The following DENND2C variants were observed in gnomAD, a reference collection of about 807,000 sequenced individuals.
DENND2C encodes the protein DENN domain-containing protein 2C.
DENND2C carries 72 observed loss-of-function variants against 112.4 expected under a neutral mutation model. That is an observed-to-expected ratio of 0.64 (90% CI 0.53 to 0.78). DENND2C has a LOEUF of 0.78. Ranked by LOEUF, DENND2C falls within the 30% of genes least tolerant of loss-of-function variation. The pLI, the probability that DENND2C is intolerant of heterozygous loss-of-function variation, is 0.00. For missense variants in DENND2C, 992 were observed against 1,113.8 expected, an observed-to-expected ratio of 0.89 and a Z score of 1.56; for synonymous variants, 329 against 381.6, an observed-to-expected ratio of 0.86 and a Z score of 1.61.
chr1:114,627,313 C>A (rs574596901), intron 3 of DENND2C, among the ~76,000 whole-genome samples: 2 of 152,308 alleles, frequency 1.3e-5, no homozygotes, highest in East Asian at 3.9e-4. Context: ...TTAAAAATAG[C>A]AGTTGATTCA....
At chr1:114,659,388 G>A (rs896093605) in intron 1 of DENND2C, among the ~76,000 whole-genome samples, 3 of 152,078 alleles carry the variant, frequency 2.0e-5, no homozygotes, top group African/African-American at 7.2e-5. Flanking sequence ...TGTAGTCCCA[G>A]CTACTTTGGA....
At chr1:114,661,846 C>T (rs6537842) in intron 1 of DENND2C, among the ~76,000 whole-genome samples, 133,154 of 152,198 alleles carry the variant, frequency 0.87, 58,740 homozygotes, top group African/African-American at 0.96. Context: ...CAATTATCAC[C>T]AGACTCTTGA....
chr1:114,654,695 G>C lies in DENND2C; in HGVS notation c.-507C>G, dbSNP rs796431579. ...GGGGTACTATATAAGATTAAGTTTT[G>C]GTACATACAGCCGGAACTGGAAATA... is the stretch of plus-strand genomic sequence containing the variant. On this transcript the variant is annotated 5_prime_UTR_variant, in exon 2 of 21. Coordinates refer to ENST00000393274, the MANE Select transcript of DENND2C (RefSeq NM_001256404.2). The C allele has an allele frequency of 6.6e-6, 1 of 150,632 alleles. No homozygotes were observed. The highest frequency in any genetic ancestry group is 1.5e-5 in the Non-Finnish European group (1 of 67,864). 9.3% of individuals were successfully genotyped at this position (150,632 alleles called of 1,614,324 possible).
intron 18 of DENND2C, among the ~76,000 whole-genome samples, chr1:114,592,232 C>T (rs905340159): frequency 9.2e-5 from 14 of 152,078 alleles, no homozygotes; most frequent in African/African-American, 2.4e-4. Flanking sequence ...TGATACACAA[C>T]GCTGGCTCTG....
At chr1:114,669,681 T>A (rs1219275126) in intron 1 of DENND2C, among the ~76,000 whole-genome samples, 1 of 152,086 alleles carries the variant, frequency 6.6e-6, no homozygotes, top group Non-Finnish European at 1.5e-5. Flanking sequence ...GCGCCCAGCC[T>A]AGGGGTCCCC....
chr1:114,639,194 A>C (rs922996992), intron 3 of DENND2C, among the ~76,000 whole-genome samples: 3 of 152,206 alleles, frequency 2.0e-5, no homozygotes, highest in African/African-American at 7.2e-5. Flanking sequence ...AAAAGATTGG[A>C]GCACCTGCAA....
chr1:114,614,267 T>G (rs1655898245), intron 8 of DENND2C, among the ~76,000 whole-genome samples: 1 of 151,524 alleles, frequency 6.6e-6, no homozygotes, highest in South Asian at 2.1e-4. Flanking sequence ...ATATTTAGGT[T>G]GGAATATATT....
intron 7 of DENND2C, among the ~76,000 whole-genome samples, chr1:114,620,915 T>G (rs1428682793): frequency 6.6e-6 from 1 of 152,126 alleles, no homozygotes; most frequent in African/African-American, 2.4e-5. Flanking sequence ...AATGTTAAAA[T>G]CAGGTACAAA....
chr1:114,589,298 T>C (rs1051424107), intron 18 of DENND2C, among the ~76,000 whole-genome samples: 3 of 152,174 alleles, frequency 2.0e-5, no homozygotes, highest in Non-Finnish European at 4.4e-5. Flanking sequence ...CTAAATTTAG[T>C]CAGAGTTCTA....
intron 8 of DENND2C, among the ~76,000 whole-genome samples, chr1:114,613,098 T>G (rs1655868340): frequency 6.6e-6 from 1 of 152,220 alleles, no homozygotes; most frequent in Non-Finnish European, 1.5e-5. Flanking sequence ...ACACACACTT[T>G]TAAATATCCA....
intron 1 of DENND2C, among the ~76,000 whole-genome samples, chr1:114,657,563 T>C (rs904856310): frequency 6.6e-6 from 1 of 152,050 alleles, no homozygotes. Flanking sequence ...GGTCAACAAT[T>C]GACAGATACA....
chr1:114,588,709 C>T (rs1655108222), intron 18 of DENND2C, among the ~76,000 whole-genome samples: 1 of 152,154 alleles, frequency 6.6e-6, no homozygotes, highest in Non-Finnish European at 1.5e-5. Flanking sequence ...CATTATATTT[C>T]CCCACCAAAT....
In DENND2C at chr1:114,655,883, A is replaced by ATATATATATATATATATATATAT. The variant is rs1557960847; in HGVS notation, c.-573-1123_-573-1122insATATATATATATATATATATATA. Among the ~76,000 whole-genome samples the ATATATATATATATATATATATAT allele has an allele frequency of 3.6e-4, 45 of 125,872 alleles. 1 individual carries two copies. Among genetic ancestry groups the ATATATATATATATATATATATAT allele is most frequent in the East Asian group, 2.4e-3 (11 of 4,518 alleles). The allele number at this position is 125,872 out of a possible 152,430, so 82.6% of individuals were successfully genotyped here. A position where few individuals can be genotyped will look rare whatever the true frequency, so the allele number is the denominator to read the frequency against. ...AAGAACTTTTATATATATATGTATA[A>ATATATATATATATATATATATAT]ATATATATATATATATAATATGTAT... On this transcript the variant is annotated intron_variant, in intron 1 of 20. Coordinates refer to ENST00000393274, the MANE Select transcript of DENND2C (RefSeq NM_001256404.2).
Position 114,654,760 on chromosome 1 carries a change from A to G in DENND2C, c.-572T>C, listed in dbSNP as rs1570812620. 1 of 143,760 alleles carries G rather than the reference A, an allele frequency of 7.0e-6. No individual in the cohort carries two copies. The highest frequency in any genetic ancestry group is 1.5e-5 in the Non-Finnish European group (1 of 65,688). 8.9% of individuals were successfully genotyped at this position (143,760 alleles called of 1,614,324 possible). On this transcript the variant is annotated splice_region_variant and 5_prime_UTR_variant, in exon 2 of 21. Transcript: ENST00000393274. ...CAATACCGATGTTTGTTTCTCTGCC[A>G]CCTAAAAAAAAAAAAAAAAAAGACA... is the stretch of plus-strand genomic sequence containing the variant.
At chr1:114,603,331 G>T (rs1305372499) in intron 11 of DENND2C, among the ~76,000 whole-genome samples, 1 of 151,852 alleles carries the variant, frequency 6.6e-6, no homozygotes, top group African/African-American at 2.4e-5. Context: ...TAGAGACGGG[G>T]TTTAACTATG....
intron 10 of DENND2C, among the ~76,000 whole-genome samples, chr1:114,606,735 G>T (rs1326126403): frequency 1.3e-5 from 2 of 152,140 alleles, no homozygotes; most frequent in Non-Finnish European, 2.9e-5. Flanking sequence ...GGATCCTGGG[G>T]GATGACTGTA....
At chr1:114,644,472 C>T (rs77225172) in intron 3 of DENND2C, among the ~76,000 whole-genome samples, 80 of 152,192 alleles carry the variant, frequency 5.3e-4, no homozygotes, top group African/African-American at 1.8e-3. Flanking sequence ...AAAAGGCTTA[C>T]GAAAAATCTG....
At chr1:114,655,899 T>TATATATATATATATATATATAA (rs947062949) in intron 1 of DENND2C, among the ~76,000 whole-genome samples, 1 of 147,694 alleles carries the variant, frequency 6.8e-6, no homozygotes, top group African/African-American at 2.5e-5. Context: ...TATATATATA[T>TATATATATATATATATATATAA]AATATGTATG....
At chr1:114,629,587 T>C (rs1656434844) in intron 3 of DENND2C, among the ~76,000 whole-genome samples, 1 of 152,198 alleles carries the variant, frequency 6.6e-6, no homozygotes, top group African/African-American at 2.4e-5. Context: ...CCAAGCATGA[T>C]TTTTAGAAGC....
Sources: gnomAD v4.1 joint callset for allele counts (sites outside exome capture counted in the v4.1 genomes callset) on GRCh38, gnomAD v4.1.1 for gene constraint, MANE v1.5 for transcripts, NCBI Gene and HGNC (gene_info 2026-07-23, HGNC 2026-07-21) for gene names.